The following PCDHGB6 variants were observed in gnomAD, a reference collection of about 807,000 sequenced individuals.
PCDHGB6 encodes protocadherin gamma-B6.
In PCDHGB6, 51 loss-of-function variants were observed where a neutral mutation model predicts 59.1. The observed-to-expected ratio is 0.86, with a 90% CI of 0.69 to 1.09. The LOEUF is 1.09. PCDHGB6 is among the 50% of genes least tolerant of loss of function. The pLI is 0.00. For synonymous variants in PCDHGB6, 466 were observed against 495.1 expected (o/e 0.94, Z 0.78); for missense variants, 1,148 against 1,205.1 (o/e 0.95, Z 0.70).
intron 1 of PCDHGB6, among the ~76,000 whole-genome samples, chr5:141,437,829 C>T (rs2097913718): frequency 6.6e-6 from 1 of 151,986 alleles, no homozygotes; most frequent in Admixed American, 6.6e-5. Flanking sequence ...CCTCTGCCTC[C>T]TGGGTTCATG....
Position 141,485,818 on chromosome 5 carries a change from C to A in PCDHGB6, c.2419-8989C>A, listed in dbSNP as rs757848513. The A allele has an allele frequency of 1.2e-6, 2 of 1,613,910 alleles. No individual in the cohort carries two copies. The highest frequency in any genetic ancestry group is 1.7e-6 in the Non-Finnish European group (2 of 1,179,974). On this transcript the variant is annotated intron_variant, in intron 1 of 3. Transcript: ENST00000520790. The surrounding 1 kb of genome is among the most constrained non-coding windows in gnomAD (Gnocchi z 5.7). ...ACTACCGCCTGGTGCTGACTGCTGT[C>A]GATGGAGGGAACCCGCCGAGATCTG...
intron 1 of PCDHGB6, among the ~76,000 whole-genome samples, chr5:141,460,536 G>A (rs911670681): frequency 2.0e-5 from 3 of 152,092 alleles, no homozygotes; most frequent in African/African-American, 7.2e-5. Flanking sequence ...AATAATCTTA[G>A]CACCTTAATC....
chr5:141,504,135 C>T (rs758903340), intron 2 of PCDHGB6, among the ~76,000 whole-genome samples: 1 of 152,188 alleles, frequency 6.6e-6, no homozygotes, highest in Non-Finnish European at 1.5e-5. Context: ...CCCGCCAACA[C>T]TCCCCTGCAA....
intron 1 of PCDHGB6, chr5:141,439,998 G>A (rs2098143949): frequency 6.5e-6 from 1 of 153,152 alleles, no homozygotes; most frequent in Non-Finnish European, 1.5e-5. Context: ...TTGGTGGTGG[G>A]AAACCTTGCC....
rs761396116 is a variant in PCDHGB6 at position 141,409,790 on chromosome 5, C to T, written c.1588C>T (p.Leu530Phe). 4 of 1,612,010 alleles carry T rather than the reference C, an allele frequency of 2.5e-6. No homozygotes were observed. The Admixed American group carries it at 5.0e-5, about 20-fold the overall frequency. ...FDHEQLRAFA[L>F]TLQARDHGSP... ...TCACGAGCAGCTGCGCGCCTTCGCGCTCACGCTGCAGGCCCGCGACCACGG... is the reference window on the plus strand; with the variant it reads ...TCACGAGCAGCTGCGCGCCTTCGCGTTCACGCTGCAGGCCCGCGACCACGG... The change falls in exon 1 of 4, where the codon CTC becomes TTC. Residue 530 changes from leucine (L) to phenylalanine (F), a missense_variant. Physicochemically the swap from Leu to Phe is conservative, Grantham distance 22. This residue lies in a region of PCDHGB6 where 549 missense variants were observed against 527.5 expected (regional missense o/e 1.04). Transcript: ENST00000520790.
In PCDHGB6 at chr5:141,408,398, C is replaced by A; in HGVS notation, c.196C>A (p.Leu66Met). 1.9e-6 allele frequency: 3 copies of A among 1,614,028 alleles called. No homozygotes were observed. Among genetic ancestry groups the A allele is most frequent in the Non-Finnish European group, 2.5e-6 (3 of 1,179,886 alleles). ...LSVLDVSARK[L>M]RVSAEKLHFS... is the part of the protein sequence containing the mutation. ...TGTCCTGGATGTGTCGGCTCGCAAG[C>A]TGCGAGTGAGCGCGGAGAAGCTGCA... The change falls in exon 1 of 4, where the codon CTG (leucine) becomes ATG (methionine). Residue 66 changes from leucine to methionine, a missense_variant. Around this residue, in one of 5 missense-constraint regions of PCDHGB6, gnomAD observed 307 missense variants for 323.8 expected, o/e 0.95. Coordinates refer to ENST00000520790, the MANE Select transcript of PCDHGB6 (RefSeq NM_018926.3).
At chr5:141,415,205 C>A (rs2095843771) in intron 1 of PCDHGB6, 2 of 1,614,040 alleles carry the variant, frequency 1.2e-6, no homozygotes, top group Non-Finnish European at 1.7e-6. Context: ...CAAGTCCTGG[C>A]GGACCTCGGC....
rs779792543 is a variant in PCDHGB6 at position 141,486,994 on chromosome 5, C to T, written c.2419-7813C>T. ...ATTCAGGTTACAATGCTTGGGTTTCCTATCAGCTCCTGGAGGCCCCAGATC... is the reference window on the plus strand; with the variant it reads ...ATTCAGGTTACAATGCTTGGGTTTCTTATCAGCTCCTGGAGGCCCCAGATC... On this transcript the variant is annotated intron_variant, in intron 1 of 3. Coordinates refer to ENST00000520790, the MANE Select transcript of PCDHGB6 (RefSeq NM_018926.3). This position sits in a 1 kb window ranked among gnomAD's most constrained non-coding sequence, Gnocchi z 5.0. The T allele has an allele frequency of 6.2e-7, 1 of 1,614,214 alleles. No individual in the cohort carries two copies. The highest frequency in any genetic ancestry group is 8.5e-7 in the Non-Finnish European group (1 of 1,180,034).
chr5:141,459,573 T>TTC (rs2098970689), intron 1 of PCDHGB6, among the ~76,000 whole-genome samples: 1 of 152,208 alleles, frequency 6.6e-6, no homozygotes, highest in Non-Finnish European at 1.5e-5. Context: ...CAAAACAGAA[T>TTC]TGTTTTGGGG....
chr5:141,447,181 G>C (rs442221), intron 1 of PCDHGB6, among the ~76,000 whole-genome samples: 152,246 of 152,338 alleles, frequency 1, 76,078 homozygotes, highest in Middle Eastern at 1. Context: ...CTCTTGTCGC[G>C]CAGGCTGGAG....
chr5:141,460,498 T>G (rs1028506755), intron 1 of PCDHGB6, among the ~76,000 whole-genome samples: 1 of 152,184 alleles, frequency 6.6e-6, no homozygotes. Context: ...TGGAAAAATA[T>G]GCTGAGAAGG....
intron 1 of PCDHGB6, chr5:141,421,377 C>T (rs1168242339): frequency 1.9e-6 from 3 of 1,613,924 alleles, no homozygotes; most frequent in South Asian, 1.1e-5. Context: ...GCAATATCTC[C>T]AAGGACCTGG....
At chr5:141,484,311 C>T (rs1234690996) in intron 1 of PCDHGB6, among the ~76,000 whole-genome samples, 2 of 152,196 alleles carry the variant, frequency 1.3e-5, no homozygotes, top group African/African-American at 4.8e-5. Flanking sequence ...CTCCACCCCG[C>T]TTCCATACTG....
At position 141,491,410 on chromosome 5, in the gene PCDHGB6, G is replaced by A. The variant is rs777207581; in HGVS notation, c.2419-3397G>A. The A allele has an allele frequency of 1.9e-6, 3 of 1,614,024 alleles. No homozygotes were observed. Among genetic ancestry groups the A allele is most frequent in the Admixed American group, 1.7e-5 (1 of 60,006 alleles). ...GTGCCTTCAGGGAAACGCAGACGGGGACGGGGGTGGAGGGCAGTGCTGCAG... is the reference window on the plus strand; with the variant it reads ...GTGCCTTCAGGGAAACGCAGACGGGAACGGGGGTGGAGGGCAGTGCTGCAG... On this transcript the variant is annotated intron_variant, in intron 1 of 3. Transcript: ENST00000520790. The surrounding 1 kb of genome is among the most constrained non-coding windows in gnomAD (Gnocchi z 6.9).
intron 1 of PCDHGB6, among the ~76,000 whole-genome samples, chr5:141,475,567 A>G (rs1260546062): frequency 6.6e-6 from 1 of 152,244 alleles, no homozygotes; most frequent in African/African-American, 2.4e-5. Flanking sequence ...CTGTCTTCCA[A>G]CAAGCCAGAT....
chr5:141,438,631 TATATAC>T (rs1271580663), intron 1 of PCDHGB6, among the ~76,000 whole-genome samples: 5,390 of 42,476 alleles, frequency 0.13, 146 homozygotes, highest in Non-Finnish European at 0.16. Context: ...TATATATATA[TATATAC>T]ACACACACAC....
intron 1 of PCDHGB6, among the ~76,000 whole-genome samples, chr5:141,465,347 G>A (rs2099101721): frequency 6.6e-6 from 1 of 151,938 alleles, no homozygotes; most frequent in South Asian, 2.1e-4. Context: ...GGTTACTGAA[G>A]AAAAAATGGG....
intron 1 of PCDHGB6, chr5:141,417,867 G>C (rs1182017096): frequency 1.9e-6 from 3 of 1,552,610 alleles, no homozygotes; most frequent in African/African-American, 2.7e-5. Flanking sequence ...ACGATGGGAG[G>C]GAGCTGCGCG....
chr5:141,489,864 T>G lies in PCDHGB6; in HGVS notation c.2419-4943T>G, dbSNP rs1274301673. ...TGGATCGTGAAGCCCAGGCAAGACA[T>G]CAGCTGGTGCTTACTGCTGTGGATG... On this transcript the variant is annotated intron_variant, in intron 1 of 3. Coordinates refer to ENST00000520790, the MANE Select transcript of PCDHGB6 (RefSeq NM_018926.3). This position sits in a 1 kb window ranked among gnomAD's most constrained non-coding sequence, Gnocchi z 4.5. 5 of 1,614,064 alleles carry G rather than the reference T, an allele frequency of 3.1e-6. No individual in the cohort carries two copies. The highest frequency in any genetic ancestry group is 3.4e-6 in the Non-Finnish European group (4 of 1,180,022).
Sources: gnomAD v4.1 joint callset for allele counts (sites outside exome capture counted in the v4.1 genomes callset) on GRCh38, gnomAD v4.1.1 for gene constraint, gnomAD v4.1.1 regional missense constraint, Gnocchi (gnomAD v3.1) non-coding constraint, MANE v1.5 for transcripts, NCBI Gene and HGNC (gene_info 2026-07-23, HGNC 2026-07-21) for gene names.